Variants in ACER1 observed in about 807,000 individuals in gnomAD.
ACER1 encodes the protein alkaline ceramidase 1, also known as CTB-180A7.3.
Under a neutral mutation model 24.9 loss-of-function variants are expected in ACER1, and 28 were observed. That is an observed-to-expected ratio of 1.13 (90% CI 0.83 to 1.54). The LOEUF (loss-of-function observed/expected upper bound fraction) is 1.54. ACER1 is among the 40% of genes most tolerant of loss of function. The pLI, the probability that ACER1 is intolerant of heterozygous loss-of-function variation, is 0.00. For missense variants in ACER1, 352 were observed against 349.3 expected, an observed-to-expected ratio of 1.01 and a Z score of -0.06; for synonymous variants, 132 against 131.4, an observed-to-expected ratio of 1.00 and a Z score of -0.03.
chr19:6,359,760 G>A, the ACER1 span, among the ~76,000 whole-genome samples: 1 of 152,172 alleles, frequency 6.6e-6, no homozygotes, highest in Non-Finnish European at 1.5e-5. Flanking sequence ...CATTCAAACT[G>A]AGCACTTTTT....
intron 1 of ACER1, among the ~76,000 whole-genome samples, chr19:6,323,385 C>T (rs2091642198): frequency 6.6e-6 from 1 of 150,860 alleles, no homozygotes; most frequent in Non-Finnish European, 1.5e-5. Flanking sequence ...CACGCCACTG[C>T]ACTCCAGCCT....
chr19:6,355,564 C>T, the ACER1 span, among the ~76,000 whole-genome samples: 20 of 150,390 alleles, frequency 1.3e-4, no homozygotes, highest in Admixed American at 7.2e-4. Flanking sequence ...CCACCCCACC[C>T]GGGAGGGAGG....
rs113477161 is a variant in ACER1, at chr19:6,322,784, C to T, written c.94-10285G>A. ...CTGTCCTGCTCTGTTCTCCTAATAGCGAATGAGTCTCATGAGATCTCATGG... is the reference window on the plus strand; with the variant it reads ...CTGTCCTGCTCTGTTCTCCTAATAGTGAATGAGTCTCATGAGATCTCATGG... On this transcript the variant is annotated intron_variant, in intron 1 of 5. Transcript: ENST00000301452. 1.5e-3 allele frequency among the ~76,000 whole-genome samples: 223 copies of T among 152,194 alleles called. 1 individual carries two copies. The highest frequency in any genetic ancestry group is 4.1e-3 in the African/African-American group (170 of 41,554).
chr19:6,358,932 T>TC, the ACER1 span, among the ~76,000 whole-genome samples: 339 of 72,922 alleles, frequency 4.6e-3, 2 homozygotes, highest in Non-Finnish European at 3.0e-3. Flanking sequence ...AAACTCTGTC[T>TC]CAAAAAAAAA....
In ACER1 at chr19:6,310,907, GAGA is replaced by G. The variant is rs993121414; in HGVS notation, c.351-1076_351-1074del. ...AAAAAAAAAAAAGAAGAAGGAGAAG[GAGA>G]AGAAGAAGGTCCTGAGGCTCCCAAG... is the stretch of plus-strand genomic sequence containing the variant. On this transcript the variant is annotated intron_variant, in intron 3 of 5. Transcript: ENST00000301452. Among the ~76,000 whole-genome samples the G allele has an allele frequency of 1.1e-3, 161 of 151,490 alleles. 1 individual carries two copies. The highest frequency in any genetic ancestry group is 6.8e-3 in the Middle Eastern group (2 of 294).
At chr19:6,336,575 C>T (rs1427956949), upstream of ACER1, among the ~76,000 whole-genome samples, 1 of 152,050 alleles carries the variant, frequency 6.6e-6, no homozygotes, top group African/African-American at 2.4e-5. Context: ...AATCCCAGCA[C>T]TTTAGGAAGC....
chr19:6,320,371 G>A (rs762614988), intron 1 of ACER1, among the ~76,000 whole-genome samples: 9 of 152,084 alleles, frequency 5.9e-5, no homozygotes, highest in Non-Finnish European at 1.0e-4. Context: ...GGAGTGTAGC[G>A]GCGCGATCTC....
the ACER1 span, among the ~76,000 whole-genome samples, chr19:6,359,872 C>T: frequency 6.6e-6 from 1 of 152,166 alleles, no homozygotes; most frequent in South Asian, 2.1e-4. Context: ...CTACCTACCT[C>T]CTTTATCACC....
In ACER1 at chr19:6,307,135, C is replaced by T. The variant is rs538794923; in HGVS notation, c.626+18G>A. On this transcript the variant is annotated intron_variant, in intron 5 of 5. Coordinates refer to ENST00000301452, the MANE Select transcript of ACER1 (RefSeq NM_133492.3). ...TCTCTGACTCTGGGCCCCCCACAGC[C>T]TCAGAGCATGTGCTTACCAGATGCT... 4 of 1,613,568 alleles carry T rather than the reference C, an allele frequency of 2.5e-6. No homozygotes were observed. The African/African-American group carries it at 5.3e-5, about 22-fold the overall frequency.
the ACER1 span, among the ~76,000 whole-genome samples, chr19:6,341,622 G>GTTTTGTTTTGT: frequency 0.011 from 1,648 of 150,672 alleles, 23 homozygotes; most frequent in African/African-American, 0.036. Context: ...GTTTTGTTTT[G>GTTTTGTTTTGT]TTTTGTTTTT....
At chr19:6,335,557 G>A (rs2091710773), upstream of ACER1, among the ~76,000 whole-genome samples, 3 of 152,162 alleles carry the variant, frequency 2.0e-5, no homozygotes, top group South Asian at 6.2e-4. Flanking sequence ...TACCCCGGGT[G>A]CTGTGGCTCA....
intron 1 of ACER1, among the ~76,000 whole-genome samples, chr19:6,326,348 G>T (rs190415262): frequency 6.6e-6 from 1 of 151,864 alleles, no homozygotes; most frequent in African/African-American, 2.4e-5. Flanking sequence ...GGATGGTCTC[G>T]ATCTCCTGAC....
intron 1 of ACER1, among the ~76,000 whole-genome samples, chr19:6,319,820 A>G (rs1430863982): frequency 6.6e-6 from 1 of 152,014 alleles, no homozygotes; most frequent in Non-Finnish European, 1.5e-5. Context: ...CACATAAATA[A>G]TACAGAAGGG....
chr19:6,338,719 C>CT, the ACER1 span, among the ~76,000 whole-genome samples: 1 of 152,038 alleles, frequency 6.6e-6, no homozygotes, highest in African/African-American at 2.4e-5. Context: ...TCCCAAGTAG[C>CT]TGGGACTACA....
chr19:6,357,317 G>T, the ACER1 span, among the ~76,000 whole-genome samples: 1 of 151,974 alleles, frequency 6.6e-6, no homozygotes, highest in Admixed American at 6.6e-5. Flanking sequence ...AAAGTACTGG[G>T]ATTACGGCCG....
chr19:6,319,709 G>C (rs938078620), intron 1 of ACER1, among the ~76,000 whole-genome samples: 2 of 151,944 alleles, frequency 1.3e-5, no homozygotes, highest in Non-Finnish European at 2.9e-5. Context: ...TAAGTGCCAC[G>C]GGACCAGGGA....
the ACER1 span, among the ~76,000 whole-genome samples, chr19:6,339,037 G>A: frequency 2.0e-5 from 3 of 151,516 alleles, no homozygotes; most frequent in Admixed American, 1.3e-4. Context: ...CCACCACGTC[G>A]GGCTAATTTT....
At chr19:6,355,889 A>G in the ACER1 span, among the ~76,000 whole-genome samples, 1 of 148,936 alleles carries the variant, frequency 6.7e-6, no homozygotes, top group African/African-American at 2.5e-5. Flanking sequence ...TCGGTCCGGG[A>G]GGTGAGGGGC....
upstream of ACER1, among the ~76,000 whole-genome samples, chr19:6,336,588 A>G (rs548521919): frequency 7.7e-4 from 117 of 152,230 alleles, no homozygotes; most frequent in African/African-American, 2.7e-3. Context: ...TAGGAAGCCA[A>G]GGCAGGCGGA....
Sources: allele counts gnomAD v4.1 joint callset (sites outside exome capture counted in the v4.1 genomes callset), GRCh38; gene constraint gnomAD v4.1.1; transcripts MANE v1.5; gene names NCBI Gene and HGNC (gene_info 2026-07-23, HGNC 2026-07-21).